The following RASGRP4 variants were observed in gnomAD, a reference collection of about 807,000 sequenced individuals.
RASGRP4 encodes the protein RAS guanyl releasing protein 4.
RASGRP4 carries 52 observed loss-of-function variants against 84.4 expected under a neutral mutation model. That is an observed-to-expected ratio of 0.62 (90% CI 0.49 to 0.78). RASGRP4 has a LOEUF of 0.78. Among genes scored for constraint, RASGRP4 ranks in the 30% least tolerant of loss-of-function variants. RASGRP4 has a pLI of 0.00. For missense variants in RASGRP4, 760 were observed against 886.9 expected (o/e 0.86, Z 1.82); for synonymous variants, 356 against 359.1 (o/e 0.99, Z 0.10).
At chr19:38,422,176 G>C in intron 1 of RASGRP4, 23 bp from the exon 2 acceptor site, 1 of 1,589,042 alleles carries the variant, frequency 6.3e-7, no homozygotes, top group Non-Finnish European at 8.6e-7. Flanking sequence ...CCCCCAAGGA[G>C]TCATGGGAGC....
At chr19:38,415,517 C>T (rs976684505) in intron 8 of RASGRP4, among the ~76,000 whole-genome samples, 1 of 151,680 alleles carries the variant, frequency 6.6e-6, no homozygotes, top group African/African-American at 2.4e-5. Context: ...GGATTACAGG[C>T]ATTGAGCCAC....
Position 38,425,208 on chromosome 19 carries a change from A to AC in RASGRP4, c.23+860_23+861insG, listed in dbSNP as rs1326930846. On this transcript the variant is annotated intron_variant, in intron 1 of 16. Coordinates refer to ENST00000615439, the MANE Select transcript of RASGRP4 (RefSeq NM_170604.3). ...CAAAAAAAAAAAACAAAAAAAAAAA[A>AC]ACCAAACACTTTAAAGGTAAGCCCA... is the stretch of plus-strand genomic sequence containing the variant. 2.6e-5 allele frequency among the ~76,000 whole-genome samples: 4 copies of AC among 151,868 alleles called. No homozygotes were observed. In the East Asian group the frequency reaches 7.7e-4, roughly 29 times the overall value.
In RASGRP4 at chr19:38,418,352, C is replaced by T. The variant is rs1217550160; in HGVS notation, c.837+39G>A. ...TGGAAGGGGAAGGACCAGGTGGCTGCGTGCAGTGGAGTTCGCAGCCCCAAG... is the reference window on the plus strand; with the variant it reads ...TGGAAGGGGAAGGACCAGGTGGCTGTGTGCAGTGGAGTTCGCAGCCCCAAG... On this transcript the variant is annotated intron_variant, in intron 7 of 16. Transcript: ENST00000615439. This position sits in a 1 kb window ranked among gnomAD's most constrained non-coding sequence, Gnocchi z 4.6. The T allele has an allele frequency of 1.3e-6, 2 of 1,575,174 alleles. No individual in the cohort carries two copies. The highest frequency in any genetic ancestry group is 2.7e-5 in the African/African-American group (2 of 74,028).
Position 38,419,999 on chromosome 19 carries a change from C to A in RASGRP4, c.524G>T (p.Gly175Val). ...GDSSDLLSPGGPGPPLPMSSP... is the reference protein window; with the variant it reads ...GDSSDLLSPGVPGPPLPMSSP... ...GCTCATTGGGAGTGGGGGGCCAGGG[C>A]CACCAGGGCTCAGGCTGGGGGCCAA... Residue 175 changes from glycine to valine, a missense_variant, in exon 6 of 17, where the codon GGC becomes GTC. By Grantham distance (109) the Gly-to-Val change is moderately radical (BLOSUM62 -3). Transcript: ENST00000615439. 1 of 1,613,820 alleles carries A rather than the reference C, an allele frequency of 6.2e-7. No homozygotes were observed. Among genetic ancestry groups the A allele is most frequent in the South Asian group, 1.1e-5 (1 of 91,086 alleles).
intron 8 of RASGRP4, among the ~76,000 whole-genome samples, chr19:38,416,734 T>C (rs181645598): frequency 8.5e-5 from 13 of 152,296 alleles, no homozygotes; most frequent in Admixed American, 2.6e-4. Flanking sequence ...TTCGGCTTAA[T>C]TTCCTGCCAC....
At chr19:38,424,013 C>G (rs1356365504) in intron 1 of RASGRP4, among the ~76,000 whole-genome samples, 1 of 152,136 alleles carries the variant, frequency 6.6e-6, no homozygotes, top group East Asian at 1.9e-4. Context: ...AAATTTTTGC[C>G]AGCTGTTGTG....
chr19:38,419,829 G>T (rs1971657988), intron 6 of RASGRP4, 31 bp downstream of exon 6: 8 of 1,554,472 alleles, frequency 5.1e-6, no homozygotes, highest in African/African-American at 1.4e-5. Context: ...TGTCTCCCCT[G>T]CTTGGGACGG....
At position 38,411,571 on chromosome 19, in the gene RASGRP4, C is replaced by T. The variant is rs540235010; in HGVS notation, c.1681-190G>A. 75 of 611,044 alleles carry T rather than the reference C, an allele frequency of 1.2e-4. 1 individual carries two copies. The highest frequency in any genetic ancestry group is 8.2e-4 in the South Asian group (35 of 42,778). The allele number at this position is 611,044 out of a possible 1,614,324, so 37.9% of individuals were successfully genotyped here. ...TGCCAGTAATCCCAGCACTTTGAGA[C>T]GCCAAGGTGGGAGGTTGGGAGGCCA... On this transcript the variant is annotated intron_variant, in intron 13 of 16. Transcript: ENST00000615439.
At chr19:38,425,632 C>A (rs1971960500) in intron 1 of RASGRP4, among the ~76,000 whole-genome samples, 1 of 152,192 alleles carries the variant, frequency 6.6e-6, no homozygotes, top group Non-Finnish European at 1.5e-5. Context: ...CCCTGTCCTG[C>A]AGCCCCCTGT....
Position 38,418,559 on chromosome 19 carries a change from C to T in RASGRP4, c.669G>A (p.Gln223=), listed in dbSNP as rs1423646677. 7 of 1,520,554 alleles carry T rather than the reference C, an allele frequency of 4.6e-6. No homozygotes were observed. In the East Asian group the frequency reaches 1.5e-4, roughly 32 times the overall value. 94.2% of individuals were successfully genotyped at this position (1,520,554 alleles called of 1,614,324 possible). The change falls in exon 7 of 17, where the codon CAG becomes CAA. Residue 223 remains glutamine (Q), a synonymous_variant. Transcript: ENST00000615439. The surrounding 1 kb of genome is among the most constrained non-coding windows in gnomAD (Gnocchi z 4.6). The part of the protein sequence containing the change: ...EFRSFQAITP[Q]DLRSYVLQGS... ...CCTGCAAAACGTAGCTCCGCAGGTC[C>T]TGGGGCTGGGAGCGAGGTGGGTGTC...
intron 1 of RASGRP4, among the ~76,000 whole-genome samples, chr19:38,425,563 G>T (rs1348213465): frequency 2.0e-5 from 3 of 152,192 alleles, no homozygotes; most frequent in African/African-American, 7.2e-5. Context: ...GGACAGAAGG[G>T]CCAGCTTGCC....
chr19:38,413,579 T>C lies in RASGRP4; in HGVS notation c.1231-105A>G, dbSNP rs981517648. 6 of 920,122 alleles carry C rather than the reference T, an allele frequency of 6.5e-6. No homozygotes were observed. The highest frequency in any genetic ancestry group is 1.0e-5 in the Non-Finnish European group (6 of 586,634). 57.0% of individuals were successfully genotyped at this position (920,122 alleles called of 1,614,324 possible). A position where few individuals can be genotyped will look rare whatever the true frequency, so the allele number is the denominator to read the frequency against. On this transcript the variant is annotated intron_variant, in intron 9 of 16. Coordinates refer to ENST00000615439, the MANE Select transcript of RASGRP4 (RefSeq NM_170604.3). The surrounding 1 kb of genome is among the most constrained non-coding windows in gnomAD (Gnocchi z 4.7). ...CAAAGCCCCTCCTGGGTTCAAATCC[T>C]GGCATTACTGCTGTGGGACAGTGGG...
intron 1 of RASGRP4, among the ~76,000 whole-genome samples, chr19:38,424,518 C>T (rs570490896): frequency 2.0e-5 from 3 of 151,746 alleles, no homozygotes; most frequent in South Asian, 2.1e-4. Flanking sequence ...CTCCTGGACT[C>T]GAGTGATCCT....
chr19:38,419,987 G>T lies in RASGRP4; in HGVS notation c.536C>A (p.Pro179Gln), dbSNP rs761249940. 3.1e-6 allele frequency: 5 copies of T among 1,613,888 alleles called. No homozygotes were observed. The highest frequency in any genetic ancestry group is 4.2e-6 in the Non-Finnish European group (5 of 1,179,776). ...CAGGCCTGGGCTGCTCATTGGGAGT[G>T]GGGGGCCAGGGCCACCAGGGCTCAG... Reference protein sequence around the residue: ...DLLSPGGPGPPLPMSSPGLGK... With the variant: ...DLLSPGGPGPQLPMSSPGLGK... The change falls in exon 6 of 17, where the codon CCA becomes CAA. Residue 179 changes from proline (P) to glutamine (Q), a missense_variant. Transcript: ENST00000615439.
At position 38,419,985 on chromosome 19, in the gene RASGRP4, G is replaced by C. The variant is rs773531170; in HGVS notation, c.538C>G (p.Leu180Val). Residue 180 changes from leucine to valine, a missense_variant, in exon 6 of 17, where the codon CTC becomes GTC. Transcript: ENST00000615439. The part of the protein sequence containing the change: ...LLSPGGPGPP[L>V]PMSSPGLGKK... Reference sequence around the variant, plus strand: ...CCCAGGCCTGGGCTGCTCATTGGGAGTGGGGGGCCAGGGCCACCAGGGCTC... The same window carrying C: ...CCCAGGCCTGGGCTGCTCATTGGGACTGGGGGGCCAGGGCCACCAGGGCTC... The C allele has an allele frequency of 1.7e-5, 27 of 1,613,864 alleles. No homozygotes were observed. The African/African-American group carries it at 3.6e-4, about 22-fold the overall frequency.
chr19:38,421,202 T>G lies in RASGRP4; in HGVS notation c.209-2A>C, dbSNP rs749877725. 1 of 1,608,704 alleles carries G rather than the reference T, an allele frequency of 6.2e-7. No individual in the cohort carries two copies. Among genetic ancestry groups the G allele is most frequent in the Non-Finnish European group, 8.5e-7 (1 of 1,175,480 alleles). On this transcript the variant is annotated splice_acceptor_variant, in intron 2 of 16. Transcript: ENST00000615439. LOFTEE classifies it high-confidence loss of function. ...CGTGGCACAGGCTGCCAGCTGAATC[T>G]GGGGTGGAAGGAGGGGTACTCTGTG... is the stretch of plus-strand genomic sequence containing the variant.
intron 13 of RASGRP4, 124 bp from the exon 14 acceptor site, chr19:38,411,505 T>A: frequency 2.1e-6 from 2 of 940,244 alleles, no homozygotes; most frequent in Non-Finnish European, 3.1e-6. Flanking sequence ...GCTAGAGATT[T>A]AACTGGAATT....
intron 16 of RASGRP4, among the ~76,000 whole-genome samples, chr19:38,410,553 C>T (rs1400426956): frequency 2.6e-5 from 4 of 151,830 alleles, no homozygotes. Flanking sequence ...GCTGGGACTA[C>T]AGGCACCCGC....
intron 9 of RASGRP4, 69 bp downstream of exon 9, chr19:38,414,779 T>C (rs1347596976): frequency 1.4e-6 from 2 of 1,440,180 alleles, no homozygotes; most frequent in East Asian, 5.0e-5. Context: ...CTGGAGACAC[T>C]CACACACCCA....
Sources: allele counts gnomAD v4.1 joint callset (sites outside exome capture counted in the v4.1 genomes callset), GRCh38; gene constraint gnomAD v4.1.1; non-coding constraint Gnocchi (gnomAD v3.1); transcripts MANE v1.5; gene names NCBI Gene and HGNC (gene_info 2026-07-23, HGNC 2026-07-21).